Variants in MLLT3 observed in about 807,000 individuals in gnomAD.
MLLT3 encodes the protein protein AF-9.
A neutral mutation model predicts 53.2 loss-of-function variants in MLLT3; 4 were observed. The ratio of observed to expected loss-of-function variants is 0.08; its 90% CI spans 0.04 to 0.17. The LOEUF (loss-of-function observed/expected upper bound fraction) is 0.17, where lower values mean the gene tolerates loss of function less well. Among genes scored for constraint, MLLT3 ranks in the 10% least tolerant of loss-of-function variants. The pLI is 1.00. For missense variants in MLLT3, 569 were observed against 684.0 expected, an observed-to-expected ratio of 0.83 and a Z score of 1.87; for synonymous variants, 283 against 230.6, an observed-to-expected ratio of 1.23 and a Z score of -2.06.
intron 2 of MLLT3, among the ~76,000 whole-genome samples, chr9:20,618,367 T>C (rs1048707480): frequency 6.6e-6 from 1 of 152,206 alleles, no homozygotes; most frequent in Non-Finnish European, 1.5e-5. Flanking sequence ...CAGGATTAAG[T>C]GGCATGTTTG....
chr9:20,504,350 T>TTGTGTGTG (rs71334530), intron 2 of MLLT3, among the ~76,000 whole-genome samples: 6,399 of 149,044 alleles, frequency 0.043, 436 homozygotes, highest in African/African-American at 0.14. Context: ...CCCAATGGAA[T>TTGTGTGTG]TGTGTGTGTG....
intron 2 of MLLT3, among the ~76,000 whole-genome samples, chr9:20,619,699 G>A (rs1371740578): frequency 6.6e-6 from 1 of 152,196 alleles, no homozygotes; most frequent in Non-Finnish European, 1.5e-5. Context: ...GTTTTCCAGA[G>A]GTTGAAGGGA....
chr9:20,406,088 G>C (rs1822570883), intron 5 of MLLT3, among the ~76,000 whole-genome samples: 4 of 151,694 alleles, frequency 2.6e-5, no homozygotes, highest in Admixed American at 2.6e-4. Context: ...CTCCAGCCTG[G>C]ATAACAGAGT....
chr9:20,395,876 T>C (rs143235667), intron 5 of MLLT3, among the ~76,000 whole-genome samples: 16 of 152,266 alleles, frequency 1.1e-4, no homozygotes, highest in African/African-American at 3.4e-4. Flanking sequence ...AAAGTACTGA[T>C]GGCAGAGCAT....
chr9:20,438,287 CCAGATGGTACCCTGCATAG>C (rs1203795559), intron 4 of MLLT3, among the ~76,000 whole-genome samples: 1 of 152,172 alleles, frequency 6.6e-6, no homozygotes, highest in African/African-American at 2.4e-5. Context: ...AAATGGTTGT[CCAGATGGTACCCTGCATAG>C]GAAGTGTGGC....
In MLLT3 at chr9:20,615,501, T is replaced by A. The variant is rs555588366; in HGVS notation, c.193+5153A>T. Among the ~76,000 whole-genome samples the A allele has an allele frequency of 3.3e-5, 5 of 151,976 alleles. No individual in the cohort carries two copies. The East Asian group carries it at 9.7e-4, about 29-fold the overall frequency. ...TAGGTAATCATTCACCGGAATTTAATGAGGCAAATACCTTGGAAGATTTAC... is the reference window on the plus strand; with the variant it reads ...TAGGTAATCATTCACCGGAATTTAAAGAGGCAAATACCTTGGAAGATTTAC... On this transcript the variant is annotated intron_variant, in intron 2 of 10. Transcript: ENST00000380338.
chr9:20,586,153 CA>C (rs148046899), intron 2 of MLLT3, among the ~76,000 whole-genome samples: 4 of 151,530 alleles, frequency 2.6e-5, no homozygotes, highest in African/African-American at 7.3e-5. Context: ...TTCATCTCTA[CA>C]AAAAAAATGT....
At chr9:20,384,151 G>C (rs1821972189) in intron 5 of MLLT3, among the ~76,000 whole-genome samples, 1 of 151,942 alleles carries the variant, frequency 6.6e-6, no homozygotes. Flanking sequence ...ATATGCTTCT[G>C]CCACATGTTA....
At chr9:20,354,923 T>A (rs759839169) in intron 8 of MLLT3, 44 bp from the exon 9 acceptor site, 47 of 1,436,848 alleles carry the variant, frequency 3.3e-5, no homozygotes, top group Non-Finnish European at 4.3e-5. Context: ...ATTTCAAGCA[T>A]CTCTTAGCTA....
chr9:20,345,867 G>A lies in MLLT3; in HGVS notation c.*576C>T, dbSNP rs1462582403. 2 of 228,636 alleles carry A rather than the reference G, an allele frequency of 8.7e-6. No homozygotes were observed. The highest frequency in any genetic ancestry group is 1.7e-5 in the Non-Finnish European group (2 of 114,936). 14.2% of individuals were successfully genotyped at this position (228,636 alleles called of 1,614,324 possible). A position where few individuals can be genotyped will look rare whatever the true frequency, so the allele number is the denominator to read the frequency against. On this transcript the variant is annotated 3_prime_UTR_variant, in exon 11 of 11. Transcript: ENST00000380338. The stretch of plus-strand genomic sequence containing the variant: ...AGGTGGAAAATACAGACTGCAACGA[G>A]TTAAAGGACTTGGAAAAAGTTGGTG...
chr9:20,456,632 A>T (rs1029619769), intron 3 of MLLT3, 72 bp downstream of exon 3: 1 of 1,110,296 alleles, frequency 9.0e-7, no homozygotes, highest in African/African-American at 1.6e-5. Flanking sequence ...CTTATGAGTC[A>T]AAATTATTTT....
intron 2 of MLLT3, among the ~76,000 whole-genome samples, chr9:20,515,364 T>C (rs1817884186): frequency 6.6e-6 from 1 of 152,208 alleles, no homozygotes; most frequent in Non-Finnish European, 1.5e-5. Flanking sequence ...CAAGTTTGTT[T>C]TGAAATTTTA....
At chr9:20,358,480 A>G (rs898587818) in intron 8 of MLLT3, among the ~76,000 whole-genome samples, 5 of 152,234 alleles carry the variant, frequency 3.3e-5, no homozygotes. Flanking sequence ...TAATCAGATA[A>G]GGTAACTTTT....
intron 3 of MLLT3, 38 bp downstream of exon 3, chr9:20,456,666 A>C: frequency 7.3e-7 from 1 of 1,366,502 alleles, no homozygotes. Flanking sequence ...CTAATGGTGG[A>C]TCGTCTACTG....
chr9:20,561,819 C>T lies in MLLT3; in HGVS notation c.193+58835G>A, dbSNP rs546641430. ...ATTATCTCTGCTTATGAAATAAGAACCCTCTGTAGGCTTTGGGACAGACCA... is the reference window on the plus strand; with the variant it reads ...ATTATCTCTGCTTATGAAATAAGAATCCTCTGTAGGCTTTGGGACAGACCA... On this transcript the variant is annotated intron_variant, in intron 2 of 10. Coordinates refer to ENST00000380338, the MANE Select transcript of MLLT3 (RefSeq NM_004529.4). Among the ~76,000 whole-genome samples, 5 of 152,236 alleles carry T rather than the reference C, an allele frequency of 3.3e-5. No homozygotes were observed. In the South Asian group the frequency reaches 1.0e-3, roughly 32 times the overall value.
chr9:20,560,310 G>A (rs1819170383), intron 2 of MLLT3, among the ~76,000 whole-genome samples: 2 of 152,096 alleles, frequency 1.3e-5, no homozygotes, highest in African/African-American at 4.8e-5. Context: ...AAAAGAAGGA[G>A]GCAAAAAGCC....
chr9:20,380,676 C>T (rs967935032), intron 5 of MLLT3, among the ~76,000 whole-genome samples: 4 of 152,000 alleles, frequency 2.6e-5, no homozygotes, highest in African/African-American at 4.8e-5. Context: ...TACACTTAAA[C>T]ACCATAGACC....
At chr9:20,480,098 G>A (rs1212557031) in intron 2 of MLLT3, among the ~76,000 whole-genome samples, 1 of 152,108 alleles carries the variant, frequency 6.6e-6, no homozygotes, top group Non-Finnish European at 1.5e-5. Context: ...CTCTTTCTTT[G>A]CCAAACCTCA....
At chr9:20,504,677 G>C (rs1196374753) in intron 2 of MLLT3, among the ~76,000 whole-genome samples, 2 of 151,930 alleles carry the variant, frequency 1.3e-5, no homozygotes, top group African/African-American at 4.8e-5. Flanking sequence ...GTACAATATG[G>C]TGACTACAGT....
Sources: allele counts gnomAD v4.1 joint callset (sites outside exome capture counted in the v4.1 genomes callset), GRCh38; gene constraint gnomAD v4.1.1; transcripts MANE v1.5; gene names NCBI Gene and HGNC (gene_info 2026-07-23, HGNC 2026-07-21).